CADM2: variants seen among roughly 807,000 people sequenced by gnomAD.
CADM2 encodes the protein cell adhesion molecule 2.
In CADM2, 12 loss-of-function variants were observed where a neutral mutation model predicts 49.8. That is an observed-to-expected ratio of 0.24 (90% CI 0.15 to 0.39). The LOEUF (loss-of-function observed/expected upper bound fraction) is 0.39. CADM2 is among the 10% of genes least tolerant of loss of function. CADM2 has a pLI of 1.00. For synonymous variants in CADM2, 214 were observed against 175.4 expected, an observed-to-expected ratio of 1.22 and a Z score of -1.74; for missense variants, 378 against 492.3, an observed-to-expected ratio of 0.77 and a Z score of 2.20.
intron 1 of CADM2, among the ~76,000 whole-genome samples, chr3:84,973,276 C>A (rs565446241): frequency 1.2e-4 from 19 of 152,184 alleles, no homozygotes; most frequent in African/African-American, 3.9e-4. Flanking sequence ...TCAACAGCAA[C>A]AGAATGCAGA....
intron 3 of CADM2, among the ~76,000 whole-genome samples, chr3:85,878,854 C>T (rs1312773210): frequency 6.6e-6 from 1 of 152,000 alleles, no homozygotes; most frequent in East Asian, 1.9e-4. Flanking sequence ...GAATTGTAAG[C>T]TCTGTCTGTG....
chr3:85,204,495 A>C (rs553196525), intron 1 of CADM2, among the ~76,000 whole-genome samples: 8 of 152,248 alleles, frequency 5.3e-5, no homozygotes, highest in African/African-American at 1.9e-4. Context: ...TCTTACAAAC[A>C]CAGAGAGATT....
chr3:85,516,314 A>G (rs536047272), intron 1 of CADM2, among the ~76,000 whole-genome samples: 1 of 152,146 alleles, frequency 6.6e-6, no homozygotes, highest in African/African-American at 2.4e-5. Context: ...TATTTGTTAG[A>G]TTATTTTATT....
chr3:85,626,127 C>T (rs1324164900), intron 1 of CADM2, among the ~76,000 whole-genome samples: 1 of 151,892 alleles, frequency 6.6e-6, no homozygotes, highest in Non-Finnish European at 1.5e-5. Context: ...GGAACAAAAA[C>T]TGAATAATGA....
chr3:85,942,116 GT>G (rs1721988435), intron 7 of CADM2, among the ~76,000 whole-genome samples: 1 of 151,892 alleles, frequency 6.6e-6, no homozygotes, highest in South Asian at 2.1e-4. Flanking sequence ...TTTACCCAGT[GT>G]TTTTTAGCAT....
At chr3:84,997,639 T>C (rs376663430) in intron 1 of CADM2, among the ~76,000 whole-genome samples, 1 of 152,012 alleles carries the variant, frequency 6.6e-6, no homozygotes, top group Non-Finnish European at 1.5e-5. Flanking sequence ...TCAGAATATC[T>C]AGAAAGTATT....
chr3:85,085,061 T>G (rs1388225501), intron 1 of CADM2, among the ~76,000 whole-genome samples: 1 of 152,036 alleles, frequency 6.6e-6, no homozygotes, highest in Non-Finnish European at 1.5e-5. Context: ...ACATACTAAT[T>G]TTTTTTATGG....
chr3:85,006,192 T>G (rs535955961), intron 1 of CADM2, among the ~76,000 whole-genome samples: 2 of 152,080 alleles, frequency 1.3e-5, no homozygotes, highest in South Asian at 4.1e-4. Flanking sequence ...AACTTAGAGC[T>G]GACTCTGAGC....
At chr3:85,658,089 G>T (rs935801152) in intron 1 of CADM2, among the ~76,000 whole-genome samples, 3 of 152,048 alleles carry the variant, frequency 2.0e-5, no homozygotes, top group African/African-American at 7.2e-5. Context: ...ATTTAGTTAA[G>T]ATATGTGGTT....
intron 1 of CADM2, among the ~76,000 whole-genome samples, chr3:85,481,747 T>A (rs2039221099): frequency 6.6e-6 from 1 of 151,578 alleles, no homozygotes. Flanking sequence ...AGGATTTCTG[T>A]CAGCACAAGA....
intron 2 of CADM2, among the ~76,000 whole-genome samples, chr3:85,733,579 G>A (rs1161162271): frequency 6.6e-6 from 1 of 152,006 alleles, no homozygotes. Context: ...ATTTAATGGA[G>A]GTGCATTTTC....
chr3:84,990,302 A>G (rs1410997278), intron 1 of CADM2, among the ~76,000 whole-genome samples: 1 of 151,518 alleles, frequency 6.6e-6, no homozygotes, highest in Non-Finnish European at 1.5e-5. Context: ...TGATTTATAT[A>G]TTTTTTTAAT....
chr3:85,020,284 T>C (rs2034438832), intron 1 of CADM2, among the ~76,000 whole-genome samples: 2 of 152,190 alleles, frequency 1.3e-5, no homozygotes, highest in Admixed American at 6.5e-5. Flanking sequence ...TCCTTTAATA[T>C]AGTTAAGTAT....
intron 1 of CADM2, among the ~76,000 whole-genome samples, chr3:85,496,089 G>T (rs2039879984): frequency 6.6e-6 from 1 of 152,006 alleles, no homozygotes; most frequent in Non-Finnish European, 1.5e-5. Context: ...ACACGTTCAG[G>T]TTTGTTACAA....
At chr3:85,397,912 CA>C (rs2034875320) in intron 1 of CADM2, among the ~76,000 whole-genome samples, 1 of 151,964 alleles carries the variant, frequency 6.6e-6, no homozygotes, top group African/African-American at 2.4e-5. Context: ...AAAAAGCAAA[CA>C]AAAGTCTATT....
intron 1 of CADM2, among the ~76,000 whole-genome samples, chr3:85,084,658 T>G (rs545397972): frequency 1.3e-5 from 2 of 152,296 alleles, no homozygotes; most frequent in South Asian, 4.1e-4. Context: ...AATACATTAC[T>G]TAAAGTAAAT....
intron 1 of CADM2, among the ~76,000 whole-genome samples, chr3:84,998,790 AT>A (rs1391679895): frequency 3.3e-5 from 5 of 152,132 alleles, no homozygotes; most frequent in Non-Finnish European, 5.9e-5. Flanking sequence ...AGATTTGCTA[AT>A]CTCAATTTGG....
chr3:85,391,849 A>C (rs1347252158), intron 1 of CADM2, among the ~76,000 whole-genome samples: 1 of 152,122 alleles, frequency 6.6e-6, no homozygotes, highest in East Asian at 1.9e-4. Context: ...CAACACGGAT[A>C]TTCAAAAGAC....
Position 85,374,788 on chromosome 3 carries a change from A to G in CADM2, c.62-351734A>G, listed in dbSNP as rs536415983. Reference sequence around the variant, plus strand: ...CCATCAGATCTTGTGAGACTTATTCACTCTCAGCAGAACAGCAAGGGAAAA... The same window carrying G: ...CCATCAGATCTTGTGAGACTTATTCGCTCTCAGCAGAACAGCAAGGGAAAA... On this transcript the variant is annotated intron_variant, in intron 1 of 9. Transcript: ENST00000383699. 2.2e-4 allele frequency among the ~76,000 whole-genome samples: 33 copies of G among 151,978 alleles called. No individual in the cohort carries two copies. The South Asian group carries it at 5.0e-3, about 23-fold the overall frequency.
Sources: gnomAD v4.1 joint callset for allele counts (sites outside exome capture counted in the v4.1 genomes callset) on GRCh38, gnomAD v4.1.1 for gene constraint, MANE v1.5 for transcripts, NCBI Gene and HGNC (gene_info 2026-07-23, HGNC 2026-07-21) for gene names.